Variants in HINT1 observed in about 807,000 individuals in gnomAD.
HINT1 encodes the protein adenosine 5'-monophosphoramidase HINT1.
Under a neutral mutation model 11.2 loss-of-function variants are expected in HINT1, and 12 were observed. The ratio of observed to expected loss-of-function variants is 1.07; its 90% CI spans 0.69 to 1.74. The LOEUF (loss-of-function observed/expected upper bound fraction) is 1.74, where lower values mean the gene tolerates loss of function less well. Among genes scored for constraint, HINT1 ranks in the 40% most tolerant of loss-of-function variants. The probability of loss-of-function intolerance (pLI) is 0.00; values close to 1 mark genes in which losing one functional copy is unlikely to be tolerated. For missense variants in HINT1, 150 were observed against 161.8 expected (o/e 0.93, Z 0.40); for synonymous variants, 42 against 52.6 (o/e 0.80, Z 0.87).
chr5:131,164,506 GA>G (rs1458610103), intron 1 of HINT1, among the ~76,000 whole-genome samples: 1 of 152,228 alleles, frequency 6.6e-6, no homozygotes, highest in East Asian at 1.9e-4. Flanking sequence ...TGGAGATAGG[GA>G]TAGGGGTAGG....
In HINT1 at chr5:131,159,566, G is replaced by C. The variant is rs753840070; in HGVS notation, c.262C>G (p.Leu88Val). The change falls in exon 3 of 3, where the codon CTG (leucine) becomes GTG (valine). Residue 88 changes from leucine (L) to valine (V), a missense_variant. Coordinates refer to ENST00000304043, the MANE Select transcript of HINT1 (RefSeq NM_005340.7). ...MIVGKKCAAD[L>V]GLNKGYRMVV... is the part of the protein sequence containing the mutation. The stretch of plus-strand genomic sequence containing the variant: ...ATTCGATAACCCTTATTCAGGCCCA[G>C]ATCAGCAGCACATTTCTTGCCAACA... 21 of 1,613,698 alleles carry C rather than the reference G, an allele frequency of 1.3e-5. No individual in the cohort carries two copies. The highest frequency in any genetic ancestry group is 1.8e-5 in the Non-Finnish European group (21 of 1,179,774).
chr5:131,164,822 C>T (rs551061023), intron 1 of HINT1, among the ~76,000 whole-genome samples: 1 of 152,030 alleles, frequency 6.6e-6, no homozygotes, highest in South Asian at 2.1e-4. Flanking sequence ...CCCCGACACG[C>T]GCCCAGGCCC....
rs529470442 is a variant in HINT1 at position 131,162,383 on chromosome 5, C to A, written c.216+189G>T. ...ATACGGAGAAGCTGGAACGCTCATT[C>A]ATTGCTGGTGGGATACAAAATGATG... On this transcript the variant is annotated intron_variant, in intron 2 of 2. Coordinates refer to ENST00000304043, the MANE Select transcript of HINT1 (RefSeq NM_005340.7). 13 of 1,128,678 alleles carry A rather than the reference C, an allele frequency of 1.2e-5. No homozygotes were observed. The African/African-American group carries it at 1.5e-4, about 13-fold the overall frequency. The allele number at this position is 1,128,678 out of a possible 1,614,324, so 69.9% of individuals were successfully genotyped here. A position where few individuals can be genotyped will look rare whatever the true frequency, so the allele number is the denominator to read the frequency against.
At chr5:131,162,703 A>T in intron 1 of HINT1, 27 bp from the exon 2 acceptor site, 1 of 1,458,114 alleles carries the variant, frequency 6.9e-7, no homozygotes, top group South Asian at 1.2e-5. Context: ...TAAATAAATA[A>T]ATCAAACTTT....
In HINT1 at chr5:131,159,384, C is replaced by T; in HGVS notation, c.*63G>A. 2.0e-6 allele frequency: 3 copies of T among 1,468,898 alleles called. No individual in the cohort carries two copies. The highest frequency in any genetic ancestry group is 1.9e-6 in the Non-Finnish European group (2 of 1,064,578). 91.0% of individuals were successfully genotyped at this position (1,468,898 alleles called of 1,614,324 possible). On this transcript the variant is annotated 3_prime_UTR_variant, in exon 3 of 3. Transcript: ENST00000304043. ...AGGCAAAAATAAGTGTGTTACTTAA[C>T]ATACTGGAAATTGCCTAACTTAATC... is the stretch of plus-strand genomic sequence containing the variant.
intron 1 of HINT1, among the ~76,000 whole-genome samples, chr5:131,164,187 C>T (rs888011482): frequency 6.6e-6 from 1 of 152,130 alleles, no homozygotes; most frequent in Admixed American, 6.5e-5. Context: ...AAAATTTGTT[C>T]TATCTAAATC....
intron 2 of HINT1, chr5:131,162,233 G>T (rs572074361): frequency 1.7e-6 from 1 of 572,432 alleles, no homozygotes; most frequent in Non-Finnish European, 3.1e-6. Context: ...TGAGGCAGGA[G>T]AATGGTGTGA....
Position 131,165,157 on chromosome 5 carries a change from T to C in HINT1, c.49A>G (p.Thr17Ala). 1.2e-6 allele frequency: 2 copies of C among 1,612,138 alleles called. No individual in the cohort carries two copies. The highest frequency in any genetic ancestry group is 2.2e-5 in the East Asian group (1 of 44,872). The change falls in exon 1 of 3, where the codon ACG becomes GCG. Residue 17 changes from threonine to alanine, a missense_variant. Coordinates refer to ENST00000304043, the MANE Select transcript of HINT1 (RefSeq NM_005340.7). ...KAQVARPGGD[T>A]IFGKIIRKEI... Reference sequence around the variant, plus strand: ...TTGCGGATGATCTTCCCAAAGATCGTGTCGCCACCAGGCCGAGCGACCTGA... The same window carrying C: ...TTGCGGATGATCTTCCCAAAGATCGCGTCGCCACCAGGCCGAGCGACCTGA...
rs151094514 is a variant in HINT1, at chr5:131,165,172, G to C, written c.34C>G (p.Arg12Gly). 1 of 1,610,396 alleles carries C rather than the reference G, an allele frequency of 6.2e-7. No homozygotes were observed. The highest frequency in any genetic ancestry group is 1.7e-5 in the Admixed American group (1 of 60,030). ...CCAAAGATCGTGTCGCCACCAGGCC[G>C]AGCGACCTGAGCCTTGGCAATCTCA... ...ADEIAKAQVA[R>G]PGGDTIFGKI... is the part of the protein sequence containing the mutation. The change falls in exon 1 of 3, where the codon CGG (arginine) becomes GGG (glycine). Residue 12 changes from arginine (R) to glycine (G), a missense_variant. Physicochemically the swap from Arg to Gly is moderately radical, Grantham distance 125. Coordinates refer to ENST00000304043, the MANE Select transcript of HINT1 (RefSeq NM_005340.7).
Position 131,159,270 on chromosome 5 carries a change from C to T in HINT1, c.*177G>A, listed in dbSNP as rs1275944896. On this transcript the variant is annotated 3_prime_UTR_variant, in exon 3 of 3. Transcript: ENST00000304043. ...TATGTTTTTAAAATAACAAATCAAA[C>T]GCAACACTCAGAGAGACTATAAGCC... The T allele has an allele frequency of 1.6e-5, 8 of 492,320 alleles. No homozygotes were observed. The highest frequency in any genetic ancestry group is 6.2e-5 in the East Asian group (2 of 32,434). 30.5% of individuals were successfully genotyped at this position (492,320 alleles called of 1,614,324 possible).
intron 2 of HINT1, 66 bp from the exon 3 acceptor site, chr5:131,159,677 C>T: frequency 1.4e-6 from 2 of 1,425,158 alleles, no homozygotes; most frequent in Admixed American, 4.0e-5. Context: ...AAATAACAAA[C>T]TGTCAAGCTG....
At chr5:131,159,759 C>G in intron 2 of HINT1, 148 bp from the exon 3 acceptor site, 4 of 669,498 alleles carry the variant, frequency 6.0e-6, no homozygotes, top group Non-Finnish European at 1.0e-5. Context: ...TTAATCCCAA[C>G]AGAGCATAAT....
chr5:131,159,737 A>C, intron 2 of HINT1, 126 bp from the exon 3 acceptor site: 1 of 813,518 alleles, frequency 1.2e-6, no homozygotes, highest in East Asian at 2.7e-5. Context: ...TTGAGCAAAT[A>C]TTTGGAAACT....
At chr5:131,163,133 G>A (rs987791601) in intron 1 of HINT1, among the ~76,000 whole-genome samples, 17 of 152,060 alleles carry the variant, frequency 1.1e-4, no homozygotes, top group Non-Finnish European at 1.9e-4. Context: ...TACTGCACCC[G>A]GACTCCATGG....
chr5:131,162,631 G>C lies in HINT1; in HGVS notation c.157C>G (p.Leu53Val). 6.2e-7 allele frequency: 1 copy of C among 1,613,446 alleles called. No homozygotes were observed. Among genetic ancestry groups the C allele is most frequent in the Non-Finnish European group, 8.5e-7 (1 of 1,179,466 alleles). The change falls in exon 2 of 3, where the codon CTG (leucine) becomes GTG (valine). Residue 53 changes from leucine to valine, a missense_variant. By Grantham distance (32) the Leu-to-Val change is conservative. Transcript: ENST00000304043. ...DISPQAPTHF[L>V]VIPKKHISQI... ...GATATATGTTTCTTGGGTATCACCA[G>C]AAAATGTGTTGGTGCTTGAGGGGAA... is the stretch of plus-strand genomic sequence containing the variant.
At chr5:131,160,274 C>A (rs1022351906) in intron 2 of HINT1, among the ~76,000 whole-genome samples, 1 of 152,172 alleles carries the variant, frequency 6.6e-6, no homozygotes, top group Non-Finnish European at 1.5e-5. Context: ...ACTACCAGAT[C>A]TATTGCATTG....
At chr5:131,161,417 A>C (rs1755244021) in intron 2 of HINT1, among the ~76,000 whole-genome samples, 4 of 152,088 alleles carry the variant, frequency 2.6e-5, no homozygotes, top group Non-Finnish European at 5.9e-5. Flanking sequence ...TAACCTGACC[A>C]ACATGGAGAA....
intron 1 of HINT1, among the ~76,000 whole-genome samples, chr5:131,164,807 G>C (rs569078573): frequency 1.3e-5 from 2 of 152,084 alleles, no homozygotes; most frequent in African/African-American, 4.8e-5. Flanking sequence ...GGGGGCCCCA[G>C]TGCGCCCCGA....
At chr5:131,161,617 A>G (rs1755251135) in intron 2 of HINT1, among the ~76,000 whole-genome samples, 1 of 152,092 alleles carries the variant, frequency 6.6e-6, no homozygotes, top group African/African-American at 2.4e-5. Flanking sequence ...AAAAAGAAAA[A>G]AATGTATTCT....
Sources: gnomAD v4.1 joint callset for allele counts (sites outside exome capture counted in the v4.1 genomes callset) on GRCh38, gnomAD v4.1.1 for gene constraint, MANE v1.5 for transcripts, NCBI Gene and HGNC (gene_info 2026-07-23, HGNC 2026-07-21) for gene names.